The following F5 variants were observed in gnomAD, a reference collection of about 807,000 sequenced individuals.
F5 encodes the protein coagulation factor V.
A neutral mutation model predicts 216.4 loss-of-function variants in F5; 138 were observed. The observed-to-expected ratio is 0.64, with a 90% CI of 0.56 to 0.73. The LOEUF is 0.73. F5 is among the 30% of genes least tolerant of loss of function. The probability of loss-of-function intolerance (pLI) is 0.00; values close to 1 mark genes in which losing one functional copy is unlikely to be tolerated. For synonymous variants in F5, 916 were observed against 930.7 expected (o/e 0.98, Z 0.29); for missense variants, 2,403 against 2,674.0 (o/e 0.90, Z 2.24).
rs1659276737 is a variant in F5 at position 169,520,592 on chromosome 1, T to C, written c.6121A>G (p.Ile2041Val). 2 of 1,613,994 alleles carry C rather than the reference T, an allele frequency of 1.2e-6. No individual in the cohort carries two copies. Among genetic ancestry groups the C allele is most frequent in the African/African-American group, 1.3e-5 (1 of 75,060 alleles). Residue 2041 changes from isoleucine (I) to valine (V), a missense_variant, in exon 22 of 25, where the codon ATT becomes GTT. Physicochemically the swap from Ile to Val is conservative, Grantham distance 29. This residue lies in a region of F5 where 659 missense variants were observed against 787.9 expected (regional missense o/e 0.84). Transcript: ENST00000367797. ...QFDPPIVARY[I>V]RISPTRAYNR... is the part of the protein sequence containing the mutation. The stretch of plus-strand genomic sequence containing the variant: ...TAGGCTCGAGTTGGAGAGATCCTAA[T>C]ATATCTAGCCACAATAGGTGGGTCA...
intron 8 of F5, 92 bp downstream of exon 8, chr1:169,552,465 C>A: frequency 9.5e-7 from 1 of 1,055,396 alleles, no homozygotes; most frequent in Non-Finnish European, 1.4e-6. Context: ...ATTATATGAG[C>A]ATCTTTTTCT....
chr1:169,528,327 A>T (rs1482827100), intron 16 of F5, among the ~76,000 whole-genome samples: 1 of 151,716 alleles, frequency 6.6e-6, no homozygotes, highest in African/African-American at 2.4e-5. Flanking sequence ...GGCAGGGGGA[A>T]CTCCCTTTCC....
chr1:169,576,369 T>C lies in F5; in HGVS notation c.251-4026A>G, dbSNP rs1660850604. The stretch of plus-strand genomic sequence containing the variant: ...CTACTCCTGGAGTTTATTCTGATCT[T>C]GTGCCTGAAGCTTTTTGTTTGTTTT... On this transcript the variant is annotated intron_variant, in intron 2 of 24. Transcript: ENST00000367797. Among the ~76,000 whole-genome samples the C allele has an allele frequency of 2.6e-5, 4 of 152,288 alleles. No individual in the cohort carries two copies. The South Asian group carries it at 6.2e-4, about 24-fold the overall frequency.
intron 6 of F5, among the ~76,000 whole-genome samples, chr1:169,555,576 G>C (rs188311075): frequency 7.4e-6 from 1 of 134,724 alleles, no homozygotes; most frequent in Non-Finnish European, 1.6e-5. Flanking sequence ...AAAAAATTTG[G>C]AAAGATTCCC....
Position 169,540,945 on chromosome 1 carries a change from G to T in F5, c.4145C>A (p.Thr1382Lys), listed in dbSNP as rs775712769. 6.0e-5 allele frequency: 97 copies of T among 1,613,774 alleles called. No individual in the cohort carries two copies. The highest frequency in any genetic ancestry group is 1.8e-5 in the Non-Finnish European group (21 of 1,179,848). ...CTCACTGAGGTCTGGGGAAAGGTTT[G>T]TCTGACTGAGTTCTGGAGAGAGGTT... The part of the protein sequence containing the change: ...QTNLSPELSQ[T>K]NLSPDLSEMP... Residue 1382 changes from threonine (T) to lysine (K), a missense_variant, in exon 13 of 25, where the codon ACA (threonine) becomes AAA (lysine). Thr to Lys is a moderately conservative substitution (Grantham distance 78). This residue lies in a region of F5 where 293 missense variants were observed against 270.8 expected (regional missense o/e 1.08). Transcript: ENST00000367797.
Position 169,540,913 on chromosome 1 carries a change from G to A in F5, c.4177C>T (p.Leu1393Phe), listed in dbSNP as rs746597771. 6.2e-7 allele frequency: 1 copy of A among 1,611,826 alleles called. No homozygotes were observed. Among genetic ancestry groups the A allele is most frequent in the Non-Finnish European group, 8.5e-7 (1 of 1,179,190 alleles). ...NLSPDLSEMP[L>F]FADLSQIPLT... The stretch of plus-strand genomic sequence containing the variant: ...GGAATTTGACTGAGATCTGCAAAGA[G>A]GGGCATCTCACTGAGGTCTGGGGAA... The change falls in exon 13 of 25, where the codon CTC (leucine) becomes TTC (phenylalanine). Residue 1393 changes from leucine to phenylalanine, a missense_variant. This residue lies in a region of F5 where 293 missense variants were observed against 270.8 expected (regional missense o/e 1.08). Transcript: ENST00000367797.
chr1:169,577,701 A>G (rs1003751942), intron 2 of F5, among the ~76,000 whole-genome samples: 1 of 149,690 alleles, frequency 6.7e-6, no homozygotes, highest in Non-Finnish European at 1.5e-5. Context: ...TGGCCTCCCA[A>G]AGTGCTGGGA....
intron 5 of F5, 78 bp downstream of exon 5, chr1:169,559,075 T>C: frequency 6.6e-7 from 1 of 1,515,512 alleles, no homozygotes. Flanking sequence ...TCAACTTCTC[T>C]AGTGCTTTGA....
At position 169,542,813 on chromosome 1, in the gene F5, C is replaced by T. The variant is rs1449759499; in HGVS notation, c.2277G>A (p.Glu759=). The change falls in exon 13 of 25, where the codon GAG becomes GAA. Residue 759 remains glutamate (E), a synonymous_variant. Transcript: ENST00000367797. ...TTGAAGAAACGAATTCAGTGCCATTCTCCAGAGCTAGGGCAGTAAGATTGA... is the reference window on the plus strand; with the variant it reads ...TTGAAGAAACGAATTCAGTGCCATTTTCCAGAGCTAGGGCAGTAAGATTGA... The part of the protein sequence containing the change: ...EEFNLTALAL[E]NGTEFVSSNT... 6.2e-7 allele frequency: 1 copy of T among 1,613,998 alleles called. No individual in the cohort carries two copies. The highest frequency in any genetic ancestry group is 8.5e-7 in the Non-Finnish European group (1 of 1,180,004).
chr1:169,550,747 G>C lies in F5; in HGVS notation c.1297-8C>G. The stretch of plus-strand genomic sequence containing the variant: ...CATATTTTTGAACACGATCTACAAA[G>C]TTAAATCAAATTTATTCTAGGATTT... On this transcript the variant is annotated splice_region_variant and splice_polypyrimidine_tract_variant and intron_variant, in intron 8 of 24. Coordinates refer to ENST00000367797, the MANE Select transcript of F5 (RefSeq NM_000130.5). 1 of 1,594,216 alleles carries C rather than the reference G, an allele frequency of 6.3e-7. No homozygotes were observed. Among genetic ancestry groups the C allele is most frequent in the Non-Finnish European group, 8.6e-7 (1 of 1,161,980 alleles).
intron 14 of F5, among the ~76,000 whole-genome samples, chr1:169,535,626 A>G (rs1188079039): frequency 6.6e-6 from 1 of 152,180 alleles, no homozygotes; most frequent in Non-Finnish European, 1.5e-5. Context: ...GAGAACATAC[A>G]GTGTCTGGTT....
At chr1:169,563,942 A>T (rs1660541510) in intron 3 of F5, among the ~76,000 whole-genome samples, 1 of 152,114 alleles carries the variant, frequency 6.6e-6, no homozygotes, top group Non-Finnish European at 1.5e-5. Flanking sequence ...TTTTATTAAC[A>T]TTGTGAATTT....
chr1:169,558,888 G>A (rs972652626), intron 5 of F5, among the ~76,000 whole-genome samples: 2 of 151,946 alleles, frequency 1.3e-5, no homozygotes, highest in African/African-American at 4.8e-5. Flanking sequence ...TGGCTGAGCT[G>A]ATACCTTAAG....
rs528617161 is a variant in F5, at chr1:169,521,939, G to A, written c.6048+1258C>T. Reference sequence around the variant, plus strand: ...CGGCCAAGAAGATTTTTTTAAAATCGACAAATCTCTAGCAAGATTCACACA... The same window carrying A: ...CGGCCAAGAAGATTTTTTTAAAATCAACAAATCTCTAGCAAGATTCACACA... On this transcript the variant is annotated intron_variant, in intron 21 of 24. Transcript: ENST00000367797. 4.6e-5 allele frequency among the ~76,000 whole-genome samples: 7 copies of A among 151,644 alleles called. No individual in the cohort carries two copies. In the South Asian group the frequency reaches 1.0e-3, roughly 23 times the overall value.
At position 169,542,947 on chromosome 1, in the gene F5, G is replaced by A. The variant is rs775421447; in HGVS notation, c.2143C>T (p.Pro715Ser). Residue 715 changes from proline to serine, a missense_variant, in exon 13 of 25, where the codon CCT becomes TCT. Pro to Ser is a moderately conservative substitution (Grantham distance 74). Transcript: ENST00000367797. ...TCAGCATCACTCTCTTCATCTTCAG[G>A]TTCTAAACGATCATGCATTTTCCGT... ...ATRKMHDRLEPEDEESDADYD... is the reference protein window; with the variant it reads ...ATRKMHDRLESEDEESDADYD... The A allele has an allele frequency of 1.2e-6, 2 of 1,614,000 alleles. No homozygotes were observed. Among genetic ancestry groups the A allele is most frequent in the Admixed American group, 3.3e-5 (2 of 60,000 alleles).
chr1:169,515,647 C>T, intron 23 of F5, 21 bp from the exon 24 acceptor site: 3 of 1,609,476 alleles, frequency 1.9e-6, no homozygotes, highest in Non-Finnish European at 2.5e-6. Flanking sequence ...GACAAAAACA[C>T]ATAGATAAGG....
chr1:169,551,073 A>C (rs1404022457), intron 8 of F5, among the ~76,000 whole-genome samples: 1 of 152,058 alleles, frequency 6.6e-6, no homozygotes, highest in East Asian at 1.9e-4. Context: ...CTTGGGCCAC[A>C]TCTCATTTTG....
Position 169,529,609 on chromosome 1 carries a change from G to T in F5, c.5418C>A (p.His1806Gln). The change falls in exon 16 of 25, where the codon CAC becomes CAA. Residue 1806 changes from histidine (H) to glutamine (Q), a missense_variant and splice_region_variant. Coordinates refer to ENST00000367797, the MANE Select transcript of F5 (RefSeq NM_000130.5). ...SSEMKKSHEFHAINGMIYSLP... is the reference protein window; with the variant it reads ...SSEMKKSHEFQAINGMIYSLP... ...TAGATCAAAGTCTGAGGAAAATACCGTGAAACTCATGGGATTTTTTCATTT... is the reference window on the plus strand; with the variant it reads ...TAGATCAAAGTCTGAGGAAAATACCTTGAAACTCATGGGATTTTTTCATTT... 1.9e-6 allele frequency: 3 copies of T among 1,612,878 alleles called. No homozygotes were observed. Among genetic ancestry groups the T allele is most frequent in the Non-Finnish European group, 2.5e-6 (3 of 1,179,036 alleles).
chr1:169,517,101 C>G (rs1199272531), intron 23 of F5, among the ~76,000 whole-genome samples: 4 of 151,946 alleles, frequency 2.6e-5, no homozygotes, highest in Non-Finnish European at 1.5e-5. Flanking sequence ...ATTATTTTAA[C>G]TTCTCTGGGT....
Sources: allele counts gnomAD v4.1 joint callset (sites outside exome capture counted in the v4.1 genomes callset), GRCh38; gene constraint gnomAD v4.1.1; regional missense constraint gnomAD v4.1.1; transcripts MANE v1.5; gene names NCBI Gene and HGNC (gene_info 2026-07-23, HGNC 2026-07-21).